Variants in STIM2 observed in about 807,000 individuals in gnomAD.
STIM2 encodes stromal interaction molecule 2.
STIM2 carries 31 observed loss-of-function variants against 85.8 expected under a neutral mutation model. The observed-to-expected ratio is 0.36, with a 90% CI of 0.27 to 0.49. STIM2 has a LOEUF of 0.49. STIM2 is among the 20% of genes least tolerant of loss of function. The pLI, the probability that STIM2 is intolerant of heterozygous loss-of-function variation, is 0.98. For missense variants in STIM2, 841 were observed against 927.6 expected (o/e 0.91, Z 1.21); for synonymous variants, 356 against 331.1 (o/e 1.08, Z -0.82).
At chr4:27,022,450 A>G in intron 11 of STIM2, 69 bp from the exon 12 acceptor site, 1 of 1,263,232 alleles carries the variant, frequency 7.9e-7, no homozygotes, top group Admixed American at 2.3e-5. Context: ...TGTTTTAGTT[A>G]GAATGTCTGC....
chr4:26,866,229 C>T (rs1722405869), intron 1 of STIM2, among the ~76,000 whole-genome samples: 1 of 152,096 alleles, frequency 6.6e-6, no homozygotes, highest in Non-Finnish European at 1.5e-5. Flanking sequence ...CTGTCTTTAT[C>T]TTCATATAGT....
Position 27,007,588 on chromosome 4 carries a change from C to G in STIM2, c.1037C>G (p.Ser346Cys). 1 of 1,597,040 alleles carries G rather than the reference C, an allele frequency of 6.3e-7. No individual in the cohort carries two copies. The highest frequency in any genetic ancestry group is 8.5e-7 in the Non-Finnish European group (1 of 1,172,298). ...GAATTTGAACTGAGAAGCAGTTGGT[C>G]TGTTCCAGATGCACTTCAGAAATGG... The change falls in exon 8 of 12, where the codon TCT becomes TGT. Residue 346 changes from serine (S) to cysteine (C), a missense_variant. Around this residue, in one of 3 missense-constraint regions of STIM2, gnomAD observed 408 missense variants for 525.4 expected, o/e 0.78. Transcript: ENST00000467087.
intron 1 of STIM2, among the ~76,000 whole-genome samples, chr4:26,886,113 A>G (rs1723238820): frequency 6.6e-6 from 1 of 151,952 alleles, no homozygotes; most frequent in East Asian, 1.9e-4. Flanking sequence ...GACGGGCAGA[A>G]CATTTACTTT....
chr4:26,922,112 G>A (rs984484893), intron 2 of STIM2, among the ~76,000 whole-genome samples: 4 of 152,040 alleles, frequency 2.6e-5, no homozygotes, highest in African/African-American at 9.7e-5. Context: ...ATTGTTATTG[G>A]AAAACAACGT....
At chr4:26,971,220 T>C (rs1726936288) in intron 3 of STIM2, among the ~76,000 whole-genome samples, 1 of 152,352 alleles carries the variant, frequency 6.6e-6, no homozygotes, top group South Asian at 2.1e-4. Flanking sequence ...GGTAGTTTCT[T>C]TTGCCCTGCA....
At chr4:26,869,659 G>A (rs1384026520) in intron 1 of STIM2, among the ~76,000 whole-genome samples, 2 of 152,060 alleles carry the variant, frequency 1.3e-5, no homozygotes, top group Non-Finnish European at 2.9e-5. Flanking sequence ...CTCCCAGGCT[G>A]TGAGGCACCA....
chr4:27,009,681 C>G (rs1013329313), intron 10 of STIM2, among the ~76,000 whole-genome samples: 4 of 152,338 alleles, frequency 2.6e-5, no homozygotes, highest in Admixed American at 6.5e-5. Flanking sequence ...TACAGCAAAA[C>G]TAGAAGTGTG....
chr4:26,884,289 A>G (rs892099573), intron 1 of STIM2, among the ~76,000 whole-genome samples: 3 of 152,218 alleles, frequency 2.0e-5, no homozygotes, highest in Non-Finnish European at 4.4e-5. Flanking sequence ...AGTCAGGGTG[A>G]ACAACATACC....
rs145059770 is a variant in STIM2, at chr4:26,920,596, C to A, written c.282+962C>A. Among the ~76,000 whole-genome samples, 58 of 152,230 alleles carry A rather than the reference C, an allele frequency of 3.8e-4. 1 individual carries two copies. In the East Asian group the frequency reaches 0.011, roughly 28 times the overall value. ...TACATTATTTTCTACATTATTATCTCGTGATGTAACAGTGACAGTGTCTAG... is the reference window on the plus strand; with the variant it reads ...TACATTATTTTCTACATTATTATCTAGTGATGTAACAGTGACAGTGTCTAG... On this transcript the variant is annotated intron_variant, in intron 2 of 11. Coordinates refer to ENST00000467087, the MANE Select transcript of STIM2 (RefSeq NM_020860.4).
intron 2 of STIM2, among the ~76,000 whole-genome samples, chr4:26,928,806 A>G (rs1244936243): frequency 6.6e-6 from 1 of 152,246 alleles, no homozygotes; most frequent in Non-Finnish European, 1.5e-5. Flanking sequence ...GGCATGTTGT[A>G]ATAAAAGTTA....
chr4:26,912,222 G>C (rs1327003724), intron 1 of STIM2, among the ~76,000 whole-genome samples: 7 of 152,106 alleles, frequency 4.6e-5, no homozygotes, highest in African/African-American at 1.7e-4. Context: ...TCACTAAATA[G>C]TTGCCAGCGT....
intron 5 of STIM2, among the ~76,000 whole-genome samples, chr4:27,000,383 C>T (rs749155021): frequency 6.6e-5 from 10 of 152,126 alleles, no homozygotes; most frequent in Non-Finnish European, 1.0e-4. Flanking sequence ...TACTGAAATG[C>T]CGAGCGTTCC....
At chr4:26,867,712 GT>G (rs1365119123) in intron 1 of STIM2, among the ~76,000 whole-genome samples, 1 of 152,102 alleles carries the variant, frequency 6.6e-6, no homozygotes, top group East Asian at 1.9e-4. Context: ...AATCTAAAAG[GT>G]TTGTTCTGTT....
rs574014989 is a variant in STIM2, at chr4:26,977,791, T to C, written c.398-17588T>C. Reference sequence around the variant, plus strand: ...AATAATGGGGGAAAACATTGAAAAATACTGGTTGAGATCATGGCGCAAAGA... The same window carrying C: ...AATAATGGGGGAAAACATTGAAAAACACTGGTTGAGATCATGGCGCAAAGA... On this transcript the variant is annotated intron_variant, in intron 3 of 11. Coordinates refer to ENST00000467087, the MANE Select transcript of STIM2 (RefSeq NM_020860.4). 2.6e-5 allele frequency among the ~76,000 whole-genome samples: 4 copies of C among 152,142 alleles called. No individual in the cohort carries two copies. The East Asian group carries it at 7.7e-4, about 29-fold the overall frequency.
At chr4:26,960,800 C>A (rs1726425670) in intron 3 of STIM2, among the ~76,000 whole-genome samples, 1 of 152,172 alleles carries the variant, frequency 6.6e-6, no homozygotes, top group African/African-American at 2.4e-5. Flanking sequence ...CGCAGTGGCT[C>A]ATGCCTGTAA....
intron 2 of STIM2, among the ~76,000 whole-genome samples, chr4:26,934,527 C>A (rs1725325336): frequency 6.6e-6 from 1 of 152,180 alleles, no homozygotes. Context: ...TCATATAGCA[C>A]ATTAGTTGCT....
intron 2 of STIM2, among the ~76,000 whole-genome samples, chr4:26,942,798 T>G (rs916895692): frequency 2.0e-5 from 3 of 152,176 alleles, no homozygotes; most frequent in Admixed American, 6.6e-5. Context: ...CGTATTAGTC[T>G]GTACATTGCT....
intron 2 of STIM2, among the ~76,000 whole-genome samples, chr4:26,930,122 C>G (rs968862113): frequency 6.6e-6 from 1 of 152,114 alleles, no homozygotes; most frequent in African/African-American, 2.4e-5. Context: ...TCAATGTGTG[C>G]AGAATCTGTG....
intron 7 of STIM2, among the ~76,000 whole-genome samples, 197 bp from the exon 8 acceptor site, chr4:27,007,336 A>C (rs1200479719): frequency 1.4e-5 from 2 of 147,624 alleles, no homozygotes; most frequent in Non-Finnish European, 3.0e-5. Flanking sequence ...TTTTTTTGAG[A>C]CGGAGTCTCG....
Sources: gnomAD v4.1 joint callset for allele counts (sites outside exome capture counted in the v4.1 genomes callset) on GRCh38, gnomAD v4.1.1 for gene constraint, gnomAD v4.1.1 regional missense constraint, MANE v1.5 for transcripts, NCBI Gene and HGNC (gene_info 2026-07-23, HGNC 2026-07-21) for gene names.